The following CEP128 variants were observed in gnomAD, a reference collection of about 807,000 sequenced individuals.
The protein encoded by CEP128 is centrosomal protein 128kDa.
A neutral mutation model predicts 156.7 loss-of-function variants in CEP128; 132 were observed. That is an observed-to-expected ratio of 0.84 (90% CI 0.73 to 0.97). CEP128 has a LOEUF of 0.97. Among genes scored for constraint, CEP128 ranks in the 50% least tolerant of loss-of-function variants. The probability of loss-of-function intolerance (pLI) is 0.00; values close to 1 mark genes in which losing one functional copy is unlikely to be tolerated. For missense variants in CEP128, 1,252 were observed against 1,281.9 expected, an observed-to-expected ratio of 0.98 and a Z score of 0.36; for synonymous variants, 469 against 448.9, an observed-to-expected ratio of 1.04 and a Z score of -0.57.
intron 8 of CEP128, among the ~76,000 whole-genome samples, chr14:80,868,559 AAAGG>A (rs375394152): frequency 2.9e-4 from 44 of 152,134 alleles, no homozygotes; most frequent in African/African-American, 8.2e-4. Flanking sequence ...ATCAAATCAC[AAAGG>A]AAGACAGAGA....
chr14:80,545,722 C>T (rs2140323307), intron 21 of CEP128, among the ~76,000 whole-genome samples: 1 of 152,110 alleles, frequency 6.6e-6, no homozygotes, highest in East Asian at 1.9e-4. Flanking sequence ...ATGCTATCAG[C>T]AGAAAAGACA....
At chr14:80,484,649 T>C (rs953548075) in intron 14 of CEP128, among the ~76,000 whole-genome samples, 11 of 152,192 alleles carry the variant, frequency 7.2e-5, no homozygotes, top group African/African-American at 2.4e-4. Flanking sequence ...GGTAATTTCA[T>C]ACACATTTGA....
intron 9 of CEP128, among the ~76,000 whole-genome samples, chr14:80,856,715 CTTTTCTTT>C (rs1389454633): frequency 1.9e-4 from 14 of 73,184 alleles, no homozygotes; most frequent in African/African-American, 6.7e-4. Flanking sequence ...TCATGTTTTT[CTTTTCTTT>C]TTTTTTTTTT....
rs371037124 is a variant in CEP128 at position 80,912,158 on chromosome 14, A to G, written c.234+2164T>C. On this transcript the variant is annotated intron_variant, in intron 4 of 24. Coordinates refer to ENST00000555265, the MANE Select transcript of CEP128 (RefSeq NM_152446.5). ...CTTAAACCTGGGAGGCGGAGGTTGCAGTGAGCTGAGATCGCGCCACTGCAT... is the reference window on the plus strand; with the variant it reads ...CTTAAACCTGGGAGGCGGAGGTTGCGGTGAGCTGAGATCGCGCCACTGCAT... Among the ~76,000 whole-genome samples the G allele has an allele frequency of 4.0e-5, 6 of 150,360 alleles. No individual in the cohort carries two copies. The East Asian group carries it at 1.0e-3, about 26-fold the overall frequency.
chr14:80,612,735 T>C (rs933159425), intron 19 of CEP128, among the ~76,000 whole-genome samples: 2 of 152,226 alleles, frequency 1.3e-5, no homozygotes, highest in African/African-American at 4.8e-5. Flanking sequence ...CTTGACAATA[T>C]TGAATTAAAC....
At position 80,717,934 on chromosome 14, in the gene CEP128, C is replaced by A. The variant is rs116865436; in HGVS notation, c.2806+25141G>T. 4.6e-4 allele frequency among the ~76,000 whole-genome samples: 70 copies of A among 152,302 alleles called. 2 individuals are homozygous for A. In the East Asian group the frequency reaches 0.013, roughly 29 times the overall value. ...GGCTCAATGGATTCTCCCACTTCAG[C>A]TTCCCTAGTAGCTCTGACTATAGGC... On this transcript the variant is annotated intron_variant, in intron 19 of 24. Transcript: ENST00000555265.
At chr14:80,728,957 C>A (rs1033561835) in intron 19 of CEP128, among the ~76,000 whole-genome samples, 2 of 152,108 alleles carry the variant, frequency 1.3e-5, no homozygotes, top group Admixed American at 6.5e-5. Flanking sequence ...CACGCTGAGC[C>A]CTTTTGGTTA....
chr14:80,614,018 A>G (rs1893112009), intron 19 of CEP128, among the ~76,000 whole-genome samples: 1 of 152,236 alleles, frequency 6.6e-6, no homozygotes, highest in Non-Finnish European at 1.5e-5. Flanking sequence ...ATTTTGCAGA[A>G]TAAAATTATC....
At chr14:80,521,222 T>C (rs898486474) in intron 23 of CEP128, among the ~76,000 whole-genome samples, 7 of 152,052 alleles carry the variant, frequency 4.6e-5, no homozygotes, top group South Asian at 2.1e-4. Flanking sequence ...ATTTAATTGG[T>C]ATTTCTTTTG....
chr14:80,654,087 T>C (rs1895029626), intron 19 of CEP128, among the ~76,000 whole-genome samples: 1 of 152,062 alleles, frequency 6.6e-6, no homozygotes, highest in South Asian at 2.1e-4. Context: ...TCATGGGCAG[T>C]AGGAGGCTTG....
intron 19 of CEP128, 152 bp from the exon 20 acceptor site, chr14:80,580,575 G>A (rs773894519): frequency 1.8e-5 from 10 of 564,942 alleles, no homozygotes; most frequent in African/African-American, 3.7e-5. Flanking sequence ...AAAGAAACAC[G>A]CTCTGATCCC....
chr14:80,756,813 A>G, intron 18 of CEP128, 79 bp downstream of exon 18: 1 of 946,942 alleles, frequency 1.1e-6, no homozygotes, highest in Non-Finnish European at 1.7e-6. Flanking sequence ...GTTACATAAC[A>G]AAATAAATAG....
intron 23 of CEP128, among the ~76,000 whole-genome samples, chr14:80,519,485 C>CA (rs746544422): frequency 1.1e-4 from 16 of 152,162 alleles, no homozygotes; most frequent in Non-Finnish European, 2.2e-4. Context: ...AAGGAACAAA[C>CA]ACGTATGTAT....
At chr14:80,918,718 G>A (rs1884693869) in intron 2 of CEP128, among the ~76,000 whole-genome samples, 1 of 152,078 alleles carries the variant, frequency 6.6e-6, no homozygotes, top group Admixed American at 6.6e-5. Context: ...CTACATGTGT[G>A]TATAATCTTC....
At chr14:80,952,604 A>T (rs1368657905) in intron 2 of CEP128, among the ~76,000 whole-genome samples, 1 of 152,098 alleles carries the variant, frequency 6.6e-6, no homozygotes, top group Non-Finnish European at 1.5e-5. Flanking sequence ...CTTAAGAAGT[A>T]AAGAAGAGCC....
chr14:80,655,835 C>G lies in CEP128; in HGVS notation c.2807-75412G>C, dbSNP rs143249185. 4.6e-5 allele frequency among the ~76,000 whole-genome samples: 7 copies of G among 152,260 alleles called. No individual in the cohort carries two copies. The East Asian group carries it at 9.7e-4, about 21-fold the overall frequency. The stretch of plus-strand genomic sequence containing the variant: ...TAAAGCCAGATCCCTGTTTAAAAAC[C>G]TCTGCTGGCCTTTTGAGTTACACGA... On this transcript the variant is annotated intron_variant, in intron 19 of 24. Coordinates refer to ENST00000555265, the MANE Select transcript of CEP128 (RefSeq NM_152446.5).
intron 20 of CEP128, among the ~76,000 whole-genome samples, 159 bp downstream of exon 20, chr14:80,580,215 C>T (rs1046713615): frequency 2.0e-5 from 3 of 152,176 alleles, no homozygotes; most frequent in African/African-American, 7.2e-5. Context: ...TCAGTGCTCT[C>T]AGAGACTTCT....
At chr14:80,548,244 A>G (rs1274884093) in intron 21 of CEP128, among the ~76,000 whole-genome samples, 1 of 152,170 alleles carries the variant, frequency 6.6e-6, no homozygotes, top group Admixed American at 6.5e-5. Context: ...AGATTTTCTG[A>G]CTATTAATCA....
In CEP128 at chr14:80,785,017, G is replaced by A; in HGVS notation, c.2089C>T (p.Leu697=). 1 of 1,614,130 alleles carries A rather than the reference G, an allele frequency of 6.2e-7. No individual in the cohort carries two copies. The highest frequency in any genetic ancestry group is 1.3e-5 in the African/African-American group (1 of 75,040). ...KLERDVHQRE[L]KDLTSSLQSV... is the part of the protein sequence containing the mutation. ...TGCAATGATGATGTGAGATCTTTCAGCTCCCTCTGGTGCACATCTCGTTCC... is the reference window on the plus strand; with the variant it reads ...TGCAATGATGATGTGAGATCTTTCAACTCCCTCTGGTGCACATCTCGTTCC... The change falls in exon 15 of 25, where the codon CTG becomes TTG. Residue 697 remains leucine (L), a synonymous_variant. Coordinates refer to ENST00000555265, the MANE Select transcript of CEP128 (RefSeq NM_152446.5).
Sources: allele counts gnomAD v4.1 joint callset (sites outside exome capture counted in the v4.1 genomes callset), GRCh38; gene constraint gnomAD v4.1.1; transcripts MANE v1.5; gene names NCBI Gene and HGNC (gene_info 2026-07-23, HGNC 2026-07-21).